NXPE2: variants seen among roughly 807,000 people sequenced by gnomAD.
The protein encoded by NXPE2 is neurexophilin and PC-esterase domain family member 2, also known as NXPE family member 2.
A neutral mutation model predicts 34.4 loss-of-function variants in NXPE2; 34 were observed. That is an observed-to-expected ratio of 0.99 (90% CI 0.75 to 1.31). NXPE2 has a LOEUF of 1.31. Among genes scored for constraint, NXPE2 ranks in the 40% most tolerant of loss-of-function variants. The probability of loss-of-function intolerance (pLI) is 0.00; values close to 1 mark genes in which losing one functional copy is unlikely to be tolerated. For synonymous variants in NXPE2, 235 were observed against 231.3 expected, an observed-to-expected ratio of 1.02 and a Z score of -0.15; for missense variants, 649 against 672.5, an observed-to-expected ratio of 0.97 and a Z score of 0.39.
the NXPE2 span, among the ~76,000 whole-genome samples, chr11:114,610,195 G>T: frequency 6.6e-6 from 1 of 151,832 alleles, no homozygotes; most frequent in Non-Finnish European, 1.5e-5. Context: ...TTGCCACGTG[G>T]GTAGCCACTG....
At chr11:114,503,684 C>G in the NXPE2 span, among the ~76,000 whole-genome samples, 2 of 152,224 alleles carry the variant, frequency 1.3e-5, no homozygotes, top group African/African-American at 4.8e-5. Context: ...ATTGAAGTAT[C>G]AGGAATTACG....
the NXPE2 span, among the ~76,000 whole-genome samples, chr11:114,780,911 C>T: frequency 3.3e-5 from 5 of 152,042 alleles, no homozygotes; most frequent in African/African-American, 7.2e-5. Flanking sequence ...GGGGATGTGG[C>T]GTTGGGGGAG....
the NXPE2 span, among the ~76,000 whole-genome samples, chr11:114,599,077 A>T: frequency 1.3e-5 from 2 of 151,946 alleles, no homozygotes; most frequent in African/African-American, 4.8e-5. Context: ...TTTTTTGCAC[A>T]TGCATACGAG....
chr11:114,484,451 A>G, the NXPE2 span, among the ~76,000 whole-genome samples: 2 of 152,060 alleles, frequency 1.3e-5, no homozygotes, highest in Admixed American at 1.3e-4. Context: ...CCAGTGCCCA[A>G]AGGGCTTTCC....
intron 3 of NXPE2, among the ~76,000 whole-genome samples, chr11:114,703,696 AGAT>A (rs796319448): frequency 2.4e-3 from 43 of 18,046 alleles, no homozygotes; most frequent in South Asian, 0.018. Flanking sequence ...ATAGATAGAT[AGAT>A]GATAGATAGA....
chr11:114,588,374 A>G, the NXPE2 span, among the ~76,000 whole-genome samples: 1 of 152,182 alleles, frequency 6.6e-6, no homozygotes. Context: ...GATGACCCTG[A>G]TAAGTATATA....
chr11:114,796,758 T>A, the NXPE2 span, among the ~76,000 whole-genome samples: 22,293 of 152,152 alleles, frequency 0.15, 1,776 homozygotes, highest in Admixed American at 0.22. Context: ...GACATGTAAC[T>A]AACCAATCCC....
At chr11:114,799,288 A>C in the NXPE2 span, among the ~76,000 whole-genome samples, 2 of 108,174 alleles carry the variant, frequency 1.8e-5, no homozygotes, top group Non-Finnish European at 3.8e-5. Context: ...AGAGGCAATG[A>C]AGCAAAAAAA....
chr11:114,738,417 C>T, the NXPE2 span, among the ~76,000 whole-genome samples: 6 of 152,136 alleles, frequency 3.9e-5, no homozygotes, highest in South Asian at 1.2e-3. Context: ...CATCAAATTG[C>T]TCTCCACTCT....
At chr11:114,795,001 G>A in the NXPE2 span, among the ~76,000 whole-genome samples, 1 of 152,156 alleles carries the variant, frequency 6.6e-6, no homozygotes, top group Non-Finnish European at 1.5e-5. Context: ...TAAACAACAA[G>A]ATGATGCCTA....
chr11:114,806,359 A>G, the NXPE2 span, among the ~76,000 whole-genome samples: 2 of 152,258 alleles, frequency 1.3e-5, no homozygotes, highest in Admixed American at 1.3e-4. Context: ...GACTTGGACG[A>G]GTTGAGAGAA....
chr11:114,613,474 A>G, the NXPE2 span, among the ~76,000 whole-genome samples: 1 of 150,862 alleles, frequency 6.6e-6, no homozygotes, highest in Non-Finnish European at 1.5e-5. Context: ...CATAATAAGT[A>G]TTGCCTCGTG....
chr11:114,657,750 A>G, the NXPE2 span, among the ~76,000 whole-genome samples: 1 of 152,146 alleles, frequency 6.6e-6, no homozygotes, highest in Non-Finnish European at 1.5e-5. Flanking sequence ...AGAAAAAAAG[A>G]TATAAGAACC....
At chr11:114,656,585 A>G in the NXPE2 span, among the ~76,000 whole-genome samples, 1 of 152,094 alleles carries the variant, frequency 6.6e-6, no homozygotes, top group African/African-American at 2.4e-5. Flanking sequence ...AATTGCATGA[A>G]AAATATTTAT....
the NXPE2 span, among the ~76,000 whole-genome samples, chr11:114,663,606 T>TATCTATC: frequency 2.0e-5 from 2 of 98,182 alleles, no homozygotes; most frequent in Non-Finnish European, 4.4e-5. Context: ...TCTATCTATC[T>TATCTATC]ATCTATCTAT....
the NXPE2 span, among the ~76,000 whole-genome samples, chr11:114,753,082 T>G: frequency 6.6e-6 from 1 of 152,164 alleles, no homozygotes; most frequent in Non-Finnish European, 1.5e-5. Flanking sequence ...GGATACGTGT[T>G]TTAAGGAGGA....
At chr11:114,663,637 C>CTATCATCT in the NXPE2 span, among the ~76,000 whole-genome samples, 27,329 of 138,212 alleles carry the variant, frequency 0.2, 2,784 homozygotes, top group East Asian at 0.26. Flanking sequence ...ATCTATCTAT[C>CTATCATCT]ATCTATCCAT....
the NXPE2 span, among the ~76,000 whole-genome samples, chr11:114,731,859 C>A: frequency 2.6e-5 from 4 of 152,112 alleles, no homozygotes; most frequent in Non-Finnish European, 5.9e-5. Flanking sequence ...AGTATACTTT[C>A]GTATTATGTT....
the NXPE2 span, among the ~76,000 whole-genome samples, chr11:114,646,396 T>C: frequency 2.6e-5 from 4 of 151,904 alleles, no homozygotes; most frequent in South Asian, 8.3e-4. Context: ...CTTAAGTCCT[T>C]AGGTGGTATT....
Sources: allele counts gnomAD v4.1 joint callset (sites outside exome capture counted in the v4.1 genomes callset), GRCh38; gene constraint gnomAD v4.1.1; transcripts MANE v1.5; gene names NCBI Gene and HGNC (gene_info 2026-07-23, HGNC 2026-07-21).